ROBO1: variants seen among roughly 807,000 people sequenced by gnomAD.
The protein encoded by ROBO1 is roundabout homolog 1.
In ROBO1, 149 loss-of-function variants were observed where a neutral mutation model predicts 195.9. That is an observed-to-expected ratio of 0.76 (90% CI 0.67 to 0.87). ROBO1 has a LOEUF of 0.87. Among genes scored for constraint, ROBO1 ranks in the 40% least tolerant of loss-of-function variants. The pLI is 0.00. For missense variants in ROBO1, 1,933 were observed against 2,068.3 expected (o/e 0.93, Z 1.27); for synonymous variants, 816 against 733.2 (o/e 1.11, Z -1.82).
intron 3 of ROBO1, among the ~76,000 whole-genome samples, chr3:78,966,650 A>C (rs1328433944): frequency 6.6e-6 from 1 of 152,238 alleles, no homozygotes. Context: ...TTGAATTCTA[A>C]TATTAAAACA....
At chr3:79,166,573 T>A (rs2081069634) in intron 2 of ROBO1, among the ~76,000 whole-genome samples, 1 of 150,646 alleles carries the variant, frequency 6.6e-6, no homozygotes, top group Admixed American at 6.6e-5. Flanking sequence ...TTTTTTTTTT[T>A]TTTTATTTTT....
intron 2 of ROBO1, among the ~76,000 whole-genome samples, chr3:79,251,365 G>A (rs1407240341): frequency 2.0e-5 from 3 of 152,098 alleles, no homozygotes; most frequent in African/African-American, 7.2e-5. Context: ...GAAGTAATTT[G>A]TTTACTTATT....
chr3:78,873,529 C>A (rs1259267957), intron 4 of ROBO1, among the ~76,000 whole-genome samples: 2 of 152,000 alleles, frequency 1.3e-5, no homozygotes, highest in Non-Finnish European at 2.9e-5. Flanking sequence ...CCAAGTAAAC[C>A]TCTTCTTACC....
At chr3:79,616,209 G>C (rs572244262) in intron 1 of ROBO1, among the ~76,000 whole-genome samples, 1 of 152,284 alleles carries the variant, frequency 6.6e-6, no homozygotes, top group East Asian at 1.9e-4. Flanking sequence ...TGAGGCAGTA[G>C]ACATCATCCT....
chr3:79,157,922 T>G (rs2080887150), intron 2 of ROBO1, among the ~76,000 whole-genome samples: 1 of 151,994 alleles, frequency 6.6e-6, no homozygotes, highest in Middle Eastern at 3.4e-3. Context: ...CCCACGCATT[T>G]TCTTTATTTT....
chr3:79,157,940 G>T (rs968692629), intron 2 of ROBO1, among the ~76,000 whole-genome samples: 7 of 151,728 alleles, frequency 4.6e-5, no homozygotes, highest in Non-Finnish European at 1.0e-4. Context: ...TTTTATAGTG[G>T]TCCATCATAT....
At chr3:79,666,140 C>A (rs1946469167) in intron 1 of ROBO1, among the ~76,000 whole-genome samples, 1 of 151,926 alleles carries the variant, frequency 6.6e-6, no homozygotes, top group Non-Finnish European at 1.5e-5. Flanking sequence ...TACTCTACAA[C>A]ACCTGGTATA....
intron 4 of ROBO1, among the ~76,000 whole-genome samples, chr3:78,817,355 T>A (rs1447572021): frequency 6.6e-6 from 1 of 152,156 alleles, no homozygotes; most frequent in South Asian, 2.1e-4. Context: ...TACTTTTTTT[T>A]AAGATAACAG....
Position 78,651,892 on chromosome 3 carries a change from G to A in ROBO1, c.2652C>T (p.Val884=). 3 of 1,613,614 alleles carry A rather than the reference G, an allele frequency of 1.9e-6. No individual in the cohort carries two copies. The highest frequency in any genetic ancestry group is 8.5e-7 in the Non-Finnish European group (1 of 1,179,672). ...CATCTGAAATCTGCTGAGCGAGGCT[G>A]ACTTGGTCCTCAGGTGACACAGGGT... The part of the protein sequence containing the change: ...HGNPVSPEDQ[V]SLAQQISDVV... The change falls in exon 19 of 31, where the codon GTC becomes GTT. Residue 884 remains valine (V), a synonymous_variant. Transcript: ENST00000464233.
At chr3:79,072,597 G>A (rs1248022456) in intron 3 of ROBO1, among the ~76,000 whole-genome samples, 1 of 151,844 alleles carries the variant, frequency 6.6e-6, no homozygotes, top group African/African-American at 2.4e-5. Flanking sequence ...CCTGGCTCCT[G>A]TAATATTTAA....
At chr3:79,193,780 G>A (rs2081584469) in intron 2 of ROBO1, among the ~76,000 whole-genome samples, 1 of 151,360 alleles carries the variant, frequency 6.6e-6, no homozygotes, top group Admixed American at 6.6e-5. Flanking sequence ...CTCCAGGACT[G>A]AGCCCTAGGG....
chr3:79,240,436 G>C (rs938920306), intron 2 of ROBO1, among the ~76,000 whole-genome samples: 1 of 152,084 alleles, frequency 6.6e-6, no homozygotes, highest in African/African-American at 2.4e-5. Flanking sequence ...AGAATAATGT[G>C]TTAAAACATT....
chr3:79,303,807 C>A (rs2033095314), intron 2 of ROBO1, among the ~76,000 whole-genome samples: 2 of 152,022 alleles, frequency 1.3e-5, no homozygotes, highest in Non-Finnish European at 2.9e-5. Context: ...CTCTGAGAAC[C>A]ACCATTCTCA....
chr3:79,434,677 T>A (rs537575936), intron 2 of ROBO1, among the ~76,000 whole-genome samples: 91 of 152,292 alleles, frequency 6.0e-4, no homozygotes, highest in African/African-American at 2.1e-3. Context: ...GATCTAGATC[T>A]ATTAATACCA....
chr3:79,644,014 G>C (rs914877687), intron 1 of ROBO1, among the ~76,000 whole-genome samples: 1 of 152,144 alleles, frequency 6.6e-6, no homozygotes, highest in East Asian at 1.9e-4. Flanking sequence ...TGAAGAGATG[G>C]AAAAAATATT....
chr3:79,520,127 A>C (rs1941145314), intron 2 of ROBO1, among the ~76,000 whole-genome samples: 1 of 151,534 alleles, frequency 6.6e-6, no homozygotes, highest in Non-Finnish European at 1.5e-5. Flanking sequence ...GCACCACTGC[A>C]CTGCAGCCTG....
intron 4 of ROBO1, among the ~76,000 whole-genome samples, chr3:78,834,038 T>C (rs1475580615): frequency 6.6e-6 from 1 of 152,028 alleles, no homozygotes; most frequent in Non-Finnish European, 1.5e-5. Flanking sequence ...AGTAATATTA[T>C]GAAAGTTCAA....
intron 2 of ROBO1, among the ~76,000 whole-genome samples, chr3:79,491,523 T>C (rs1220454069): frequency 1.3e-5 from 2 of 152,194 alleles, no homozygotes; most frequent in Non-Finnish European, 2.9e-5. Flanking sequence ...AACAGATTTG[T>C]TAAATTCATG....
intron 5 of ROBO1, among the ~76,000 whole-genome samples, chr3:78,740,446 CTTTT>C (rs10576855): frequency 0.51 from 71,035 of 138,662 alleles, 17,683 homozygotes; most frequent in Middle Eastern, 0.61. Flanking sequence ...TCTTATTTTT[CTTTT>C]TTTCTTTCTT....
Sources: allele counts gnomAD v4.1 joint callset (sites outside exome capture counted in the v4.1 genomes callset), GRCh38; gene constraint gnomAD v4.1.1; transcripts MANE v1.5; gene names NCBI Gene and HGNC (gene_info 2026-07-23, HGNC 2026-07-21).